Variants in YIF1B observed in about 807,000 individuals in gnomAD.
YIF1B encodes Yip1 interacting factor homolog B, membrane trafficking protein, also known as protein YIF1B.
Under a neutral mutation model 34.6 loss-of-function variants are expected in YIF1B, and 24 were observed. The observed-to-expected ratio is 0.69, with a 90% confidence interval of 0.50 to 0.98. The LOEUF (loss-of-function observed/expected upper bound fraction) is 0.98. Ranked by LOEUF, YIF1B falls within the 50% of genes least tolerant of loss-of-function variation. The probability of loss-of-function intolerance (pLI) is 0.00; values close to 1 mark genes in which losing one functional copy is unlikely to be tolerated. For synonymous variants in YIF1B, 186 were observed against 184.8 expected (o/e 1.01, Z -0.05); for missense variants, 368 against 429.4 (o/e 0.86, Z 1.26).
chr19:38,306,197 T>C (rs1277792546), intron 7 of YIF1B, among the ~76,000 whole-genome samples: 1 of 119,666 alleles, frequency 8.4e-6, no homozygotes, highest in African/African-American at 3.3e-5. Context: ...AGCGAGACTC[T>C]GTCTCACAAA....
At position 38,309,064 on chromosome 19, in the gene YIF1B, G is replaced by T; in HGVS notation, c.403-7C>A. 6.4e-7 allele frequency: 1 copy of T among 1,552,668 alleles called. No homozygotes were observed. The highest frequency in any genetic ancestry group is 2.3e-5 in the East Asian group (1 of 43,890). ...GGTACTGCACTTCCCAGTCCTGCGG[G>T]GATGGGGAGACGGGCAGGACCCTCA... On this transcript the variant is annotated splice_region_variant and splice_polypyrimidine_tract_variant and intron_variant, in intron 3 of 7. Transcript: ENST00000339413.
rs547223647 is a variant in YIF1B, at chr19:38,304,083, C to T, written c.*1269G>A. On this transcript the variant is annotated 3_prime_UTR_variant, in exon 8 of 8. Transcript: ENST00000339413. ...AGTCACCTGTCCATCTCCCCCACTTCTCACAGAGGAAATCCTGGGTGGTGC... is the reference window on the plus strand; with the variant it reads ...AGTCACCTGTCCATCTCCCCCACTTTTCACAGAGGAAATCCTGGGTGGTGC... The T allele has an allele frequency of 1.4e-5, 11 of 766,270 alleles. No homozygotes were observed. In the East Asian group the frequency reaches 1.6e-4, roughly 11 times the overall value. The allele number at this position is 766,270 out of a possible 1,614,324, so 47.5% of individuals were successfully genotyped here.
upstream of YIF1B, among the ~76,000 whole-genome samples, chr19:38,317,760 A>G (rs113947227): frequency 5.0e-4 from 76 of 151,666 alleles, no homozygotes; most frequent in Admixed American, 1.3e-3. Flanking sequence ...TTGTATTTTT[A>G]GTAGAGACAG....
intron 1 of YIF1B, among the ~76,000 whole-genome samples, chr19:38,313,825 C>T (rs546837752): frequency 1.3e-5 from 2 of 152,374 alleles, no homozygotes; most frequent in East Asian, 1.9e-4. Flanking sequence ...CCATCAGCAC[C>T]TCCCAATATC....
intron 1 of YIF1B, among the ~76,000 whole-genome samples, chr19:38,314,730 C>A (rs1002644836): frequency 6.7e-6 from 1 of 149,774 alleles, no homozygotes; most frequent in Non-Finnish European, 1.5e-5. Flanking sequence ...TCTCAAGCCT[C>A]AGACTCCCAA....
chr19:38,304,922 G>A lies in YIF1B; in HGVS notation c.*430C>T. ...AGCCCAAAGTGAAGAAGAAGGAGAA[G>A]GGCAAGAAGGAGAAGGGCAAGAAGA... On this transcript the variant is annotated 3_prime_UTR_variant, in exon 8 of 8. Transcript: ENST00000339413. 6.2e-7 allele frequency: 1 copy of A among 1,612,314 alleles called. No individual in the cohort carries two copies.
intron 1 of YIF1B, chr19:38,315,654 A>G: frequency 1.3e-6 from 2 of 1,574,738 alleles, no homozygotes; most frequent in Admixed American, 1.8e-5. Context: ...CACGCTATCC[A>G]GTCCCAAGTT....
chr19:38,317,177 T>G (rs1037609145), upstream of YIF1B: 1 of 152,374 alleles, frequency 6.6e-6, no homozygotes, highest in Non-Finnish European at 1.5e-5. Context: ...CCTGCCCACC[T>G]AGCGTCCTTA....
chr19:38,306,098 A>G (rs1158383267), intron 7 of YIF1B, among the ~76,000 whole-genome samples: 5 of 146,336 alleles, frequency 3.4e-5, no homozygotes, highest in African/African-American at 1.3e-4. Context: ...GCTACTCAGG[A>G]GGCTGAGGCA....
rs746951877 is a variant in YIF1B, at chr19:38,304,427, T to A, written c.*925A>T. Reference sequence around the variant, plus strand: ...GTGTGGGGGCGGGCCACGGGGGAGATCCCAAGCTCAGTCCCCACAAAGTTC... The same window carrying A: ...GTGTGGGGGCGGGCCACGGGGGAGAACCCAAGCTCAGTCCCCACAAAGTTC... On this transcript the variant is annotated 3_prime_UTR_variant, in exon 8 of 8. Transcript: ENST00000339413. The A allele has an allele frequency of 3.8e-6, 6 of 1,560,370 alleles. No individual in the cohort carries two copies. The East Asian group carries it at 1.4e-4, about 37-fold the overall frequency.
Position 38,307,753 on chromosome 19 carries a change from C to G in YIF1B, c.540-1G>C, listed in dbSNP as rs775443894. The G allele has an allele frequency of 1.2e-6, 2 of 1,611,310 alleles. No homozygotes were observed. The highest frequency in any genetic ancestry group is 2.2e-5 in the South Asian group (2 of 91,022). ...CAGCCCCAGGAGGTCTGGGGAGAACCTGCAGGCACAAAGCCCCGCCACTTG... is the reference window on the plus strand; with the variant it reads ...CAGCCCCAGGAGGTCTGGGGAGAACGTGCAGGCACAAAGCCCCGCCACTTG... On this transcript the variant is annotated splice_acceptor_variant, in intron 5 of 7. Coordinates refer to ENST00000339413, the MANE Select transcript of YIF1B (RefSeq NM_001039672.3). LOFTEE classifies it high-confidence loss of function.
At position 38,309,310 on chromosome 19, in the gene YIF1B, T is replaced by G; in HGVS notation, c.316A>C (p.Ile106Leu). 1 of 1,614,110 alleles carries G rather than the reference T, an allele frequency of 6.2e-7. No individual in the cohort carries two copies. The highest frequency in any genetic ancestry group is 8.5e-7 in the Non-Finnish European group (1 of 1,179,988). Reference protein sequence around the residue: ...VDKNIDRFIPITKLKYYFAVD... With the variant: ...VDKNIDRFIPLTKLKYYFAVD... ...GCAAAGTAATACTTGAGCTTGGTGA[T>G]GGGGATGAAGCGGTCGATCTGGGGA... Residue 106 changes from isoleucine (I) to leucine (L), a missense_variant, in exon 3 of 8, where the codon ATC becomes CTC. By Grantham distance (5) the Ile-to-Leu change is conservative. Around this residue, in one of 3 missense-constraint regions of YIF1B, gnomAD observed 153 missense variants for 156.7 expected, o/e 0.98. Transcript: ENST00000339413.
At chr19:38,309,203 C>T (rs780194805) in intron 3 of YIF1B, 21 bp downstream of exon 3, 1 of 1,612,790 alleles carries the variant, frequency 6.2e-7, no homozygotes, top group East Asian at 2.2e-5. Flanking sequence ...TGCAGACCCA[C>T]ATTCCCCTGG....
chr19:38,305,277 C>A lies in YIF1B; in HGVS notation c.*75G>T. ...CAGACAGGGTGGACCTTGGGGCCTG[C>A]AGGCAGGAGATGAGTTCGGCGGCCA... On this transcript the variant is annotated 3_prime_UTR_variant, in exon 8 of 8. Transcript: ENST00000339413. The A allele has an allele frequency of 6.5e-7, 1 of 1,541,860 alleles. No individual in the cohort carries two copies. The highest frequency in any genetic ancestry group is 8.7e-7 in the Non-Finnish European group (1 of 1,143,434).
chr19:38,309,196 A>C, intron 3 of YIF1B, 28 bp downstream of exon 3: 1 of 1,611,900 alleles, frequency 6.2e-7, no homozygotes, highest in Non-Finnish European at 8.5e-7. Context: ...GGCCCACTGC[A>C]GACCCACATT....
chr19:38,307,085 G>A, intron 7 of YIF1B: 1 of 498,928 alleles, frequency 2.0e-6, no homozygotes, highest in Admixed American at 2.4e-5. Flanking sequence ...CAGCACCCCT[G>A]ACTCCAGTGG....
intron 7 of YIF1B, among the ~76,000 whole-genome samples, chr19:38,306,416 G>A (rs1480161403): frequency 6.6e-6 from 1 of 151,822 alleles, no homozygotes; most frequent in Non-Finnish European, 1.5e-5. Context: ...TTGCTATGTT[G>A]TCCAGGCTGG....
intron 1 of YIF1B, among the ~76,000 whole-genome samples, chr19:38,313,497 GAT>G (rs1220447249): frequency 6.6e-6 from 1 of 151,976 alleles, no homozygotes; most frequent in Non-Finnish European, 1.5e-5. Flanking sequence ...CTGACCTCAT[GAT>G]CCGCCCGCCT....
chr19:38,307,217 C>A (rs1969089986), intron 7 of YIF1B: 2 of 591,596 alleles, frequency 3.4e-6, no homozygotes, highest in Non-Finnish European at 3.1e-6. Flanking sequence ...CAGCCTCTAG[C>A]AGCCTGGCTG....
Sources: gnomAD v4.1 joint callset for allele counts (sites outside exome capture counted in the v4.1 genomes callset) on GRCh38, gnomAD v4.1.1 for gene constraint, gnomAD v4.1.1 regional missense constraint, MANE v1.5 for transcripts, NCBI Gene and HGNC (gene_info 2026-07-23, HGNC 2026-07-21) for gene names.